The following STK17A variants were observed in gnomAD, a reference collection of about 807,000 sequenced individuals.
The protein encoded by STK17A is serine/threonine-protein kinase 17A.
A neutral mutation model predicts 43.7 loss-of-function variants in STK17A; 26 were observed. The observed-to-expected ratio is 0.60, with a 90% CI of 0.44 to 0.83. The LOEUF is 0.83. STK17A is among the 40% of genes least tolerant of loss of function. The pLI is 0.00. For missense variants in STK17A, 476 were observed against 511.6 expected (o/e 0.93, Z 0.67); for synonymous variants, 191 against 182.5 (o/e 1.05, Z -0.38).
intron 1 of STK17A, among the ~76,000 whole-genome samples, chr7:43,589,937 A>AATTTT (rs60703469): frequency 0.27 from 27,935 of 103,462 alleles, 3,439 homozygotes; most frequent in East Asian, 0.38. Flanking sequence ...TTTTAATTTT[A>AATTTT]ATTTTATTTT....
intron 2 of STK17A, among the ~76,000 whole-genome samples, chr7:43,606,008 C>A (rs2082586077): frequency 6.8e-6 from 1 of 146,912 alleles, no homozygotes; most frequent in South Asian, 2.1e-4. Context: ...TAAATGTCAT[C>A]TTTCCAAGAT....
At position 43,585,473 on chromosome 7, in the gene STK17A, C is replaced by G. The variant is rs529771906; in HGVS notation, c.206+2024C>G. On this transcript the variant is annotated intron_variant, in intron 1 of 6. Coordinates refer to ENST00000319357, the MANE Select transcript of STK17A (RefSeq NM_004760.3). The stretch of plus-strand genomic sequence containing the variant: ...TTGTGATATCTTCTACATATCTTTT[C>G]TTACATAAATTTCTTTACAAAAGGA... 4.3e-3 allele frequency among the ~76,000 whole-genome samples: 645 copies of G among 151,528 alleles called. 32 individuals are homozygous for G. Among genetic ancestry groups the G allele is most frequent in the Non-Finnish European group, 7.5e-3 (509 of 67,610 alleles).
chr7:43,604,060 T>C (rs1456116804), intron 2 of STK17A, among the ~76,000 whole-genome samples: 1 of 152,174 alleles, frequency 6.6e-6, no homozygotes, highest in African/African-American at 2.4e-5. Flanking sequence ...TTCTTACTAG[T>C]TGTTGTGTGA....
At chr7:43,620,381 T>G (rs1297734990) in intron 4 of STK17A, among the ~76,000 whole-genome samples, 1 of 152,134 alleles carries the variant, frequency 6.6e-6, no homozygotes, top group Non-Finnish European at 1.5e-5. Flanking sequence ...GAGATTAGAT[T>G]ATTAATATTT....
rs2082561292 is a variant in STK17A, at chr7:43,602,320, C to T, written c.420-5936C>T. Among the ~76,000 whole-genome samples, 5 of 152,162 alleles carry T rather than the reference C, an allele frequency of 3.3e-5. 1 individual carries two copies. The South Asian group carries it at 8.3e-4, about 25-fold the overall frequency. On this transcript the variant is annotated intron_variant, in intron 2 of 6. Transcript: ENST00000319357. ...GCTTTGACTCTTATGTCTTGCCTTTCTCTTTTCCTTACTGCTATACTTGTT... is the reference window on the plus strand; with the variant it reads ...GCTTTGACTCTTATGTCTTGCCTTTTTCTTTTCCTTACTGCTATACTTGTT...
In STK17A at chr7:43,619,659, C is replaced by T. The variant is rs1397170647; in HGVS notation, c.627C>T (p.Gly209=). Reference sequence around the variant, plus strand: ...GTGACATTAAGATTGTTGATTTTGGCCTTTCAAGAATATTGAAGAACAGTG... The same window carrying T: ...GTGACATTAAGATTGTTGATTTTGGTCTTTCAAGAATATTGAAGAACAGTG... The part of the protein sequence containing the change: ...PLGDIKIVDF[G]LSRILKNSEE... Residue 209 remains glycine (G), a synonymous_variant, in exon 4 of 7, where the codon GGC becomes GGT. Transcript: ENST00000319357. The T allele has an allele frequency of 5.0e-6, 8 of 1,613,952 alleles. No individual in the cohort carries two copies. The highest frequency in any genetic ancestry group is 6.8e-6 in the Non-Finnish European group (8 of 1,179,984).
At chr7:43,585,749 A>G (rs2082434432) in intron 1 of STK17A, among the ~76,000 whole-genome samples, 1 of 151,512 alleles carries the variant, frequency 6.6e-6, no homozygotes, top group Non-Finnish European at 1.5e-5. Context: ...TTGGTGAGAG[A>G]ATTAAGTAAA....
intron 2 of STK17A, among the ~76,000 whole-genome samples, chr7:43,601,014 G>C (rs1021933739): frequency 3.1e-4 from 47 of 152,232 alleles, no homozygotes; most frequent in African/African-American, 1.1e-3. Context: ...TTAGAAAAAA[G>C]GTTGGTTAAA....
intron 3 of STK17A, among the ~76,000 whole-genome samples, chr7:43,616,916 A>AT (rs992438060): frequency 6.6e-5 from 10 of 152,302 alleles, no homozygotes; most frequent in Non-Finnish European, 1.2e-4. Context: ...GGGACCATCT[A>AT]TGCCTCAATT....
chr7:43,613,715 G>A (rs145633626), intron 3 of STK17A, among the ~76,000 whole-genome samples: 171 of 152,184 alleles, frequency 1.1e-3, no homozygotes, highest in African/African-American at 3.9e-3. Flanking sequence ...ATGGTGGCAC[G>A]CGCCTTTAGT....
At chr7:43,595,148 G>A (rs2082506132) in intron 1 of STK17A, among the ~76,000 whole-genome samples, 1 of 151,786 alleles carries the variant, frequency 6.6e-6, no homozygotes, top group Non-Finnish European at 1.5e-5. Context: ...TAGTTAAAAT[G>A]ATAAATGAGT....
At chr7:43,600,821 C>T (rs113544863) in intron 2 of STK17A, among the ~76,000 whole-genome samples, 2,871 of 152,264 alleles carry the variant, frequency 0.019, 96 homozygotes, top group African/African-American at 0.066. Context: ...CTCAAGCAAT[C>T]CTCCTGCCTC....
intron 1 of STK17A, among the ~76,000 whole-genome samples, chr7:43,588,530 T>A (rs2082458283): frequency 6.6e-6 from 1 of 151,510 alleles, no homozygotes; most frequent in Non-Finnish European, 1.5e-5. Flanking sequence ...CAAAATCCAT[T>A]CTAGGTTTTT....
Position 43,608,338 on chromosome 7 carries a change from C to G in STK17A, c.502C>G (p.Arg168Gly). The change falls in exon 3 of 7, where the codon CGA becomes GGA. Residue 168 changes from arginine to glycine, a missense_variant. Physicochemically the swap from Arg to Gly is moderately radical, Grantham distance 125. Transcript: ENST00000319357. Reference sequence around the variant, plus strand: ...AGAAAAAGATGTTCAAAGACTTATGCGACAGATTTTAGAAGGTGTTCACTT... The same window carrying G: ...AGAAAAAGATGTTCAAAGACTTATGGGACAGATTTTAGAAGGTGTTCACTT... Reference protein sequence around the residue: ...FKEKDVQRLMRQILEGVHFLH... With the variant: ...FKEKDVQRLMGQILEGVHFLH... 3 of 1,613,930 alleles carry G rather than the reference C, an allele frequency of 1.9e-6. No individual in the cohort carries two copies. The South Asian group carries it at 3.3e-5, about 18-fold the overall frequency.
chr7:43,601,143 TG>T, intron 2 of STK17A, among the ~76,000 whole-genome samples: 1 of 151,460 alleles, frequency 6.6e-6, no homozygotes, highest in Admixed American at 6.7e-5. Flanking sequence ...ATAATGTGTA[TG>T]GCATTATGTT....
At position 43,608,382 on chromosome 7, in the gene STK17A, A is replaced by C. The variant is rs774743716; in HGVS notation, c.546A>C (p.Val182=). The C allele has an allele frequency of 5.6e-6, 9 of 1,604,364 alleles. No individual in the cohort carries two copies. Among genetic ancestry groups the C allele is most frequent in the African/African-American group, 5.4e-5 (4 of 74,560 alleles). The change falls in exon 3 of 7, where the codon GTA becomes GTC. Residue 182 remains valine, a synonymous_variant. Transcript: ENST00000319357. ...EGVHFLHTRD[V]VHLDLKPQNI... ...TTCACTTTTTACACACTCGTGATGT[A>C]GTTCATCTTGATTTGAAGGTAAGAT... is the stretch of plus-strand genomic sequence containing the variant.
At chr7:43,600,750 T>A (rs1244136265) in intron 2 of STK17A, among the ~76,000 whole-genome samples, 2 of 152,050 alleles carry the variant, frequency 1.3e-5, no homozygotes, top group Admixed American at 6.6e-5. Context: ...TTAGAAAAAA[T>A]TTTTTGATGG....
chr7:43,587,154 GTT>G (rs71011929), intron 1 of STK17A, among the ~76,000 whole-genome samples: 1 of 112,096 alleles, frequency 8.9e-6, no homozygotes, highest in Non-Finnish European at 1.8e-5. Flanking sequence ...ATTGTTTTTT[GTT>G]TTTTTTTTTT....
chr7:43,625,366 T>A lies in STK17A; in HGVS notation c.*524T>A, dbSNP rs1376953386. ...CACTAAAGTTTGATAATGTCTTTTT[T>A]AAATATTTTCTTACTGCTTTATAGT... is the stretch of plus-strand genomic sequence containing the variant. On this transcript the variant is annotated 3_prime_UTR_variant, in exon 7 of 7. Transcript: ENST00000319357. 3 of 152,548 alleles carry A rather than the reference T, an allele frequency of 2.0e-5. No homozygotes were observed. Among genetic ancestry groups the A allele is most frequent in the Non-Finnish European group, 2.9e-5 (2 of 68,194 alleles). 9.4% of individuals were successfully genotyped at this position (152,548 alleles called of 1,614,324 possible). A position where few individuals can be genotyped will look rare whatever the true frequency, so the allele number is the denominator to read the frequency against.
Sources: gnomAD v4.1 joint callset for allele counts (sites outside exome capture counted in the v4.1 genomes callset) on GRCh38, gnomAD v4.1.1 for gene constraint, MANE v1.5 for transcripts, NCBI Gene and HGNC (gene_info 2026-07-23, HGNC 2026-07-21) for gene names.